The following SNTG1 variants were observed in gnomAD, a reference collection of about 807,000 sequenced individuals.
SNTG1 encodes the protein gamma-1-syntrophin.
A neutral mutation model predicts 74.7 loss-of-function variants in SNTG1; 39 were observed. That is an observed-to-expected ratio of 0.52 (90% confidence interval 0.40 to 0.68). The LOEUF is 0.68. SNTG1 is among the 30% of genes least tolerant of loss of function. The probability of loss-of-function intolerance (pLI) is 0.00; values close to 1 mark genes in which losing one functional copy is unlikely to be tolerated. For synonymous variants in SNTG1, 254 were observed against 217.1 expected, an observed-to-expected ratio of 1.17 and a Z score of -1.49; for missense variants, 685 against 609.5, an observed-to-expected ratio of 1.12 and a Z score of -1.30.
At chr8:50,002,241 T>C (rs1264065225) in intron 1 of SNTG1, among the ~76,000 whole-genome samples, 1 of 152,206 alleles carries the variant, frequency 6.6e-6, no homozygotes. Context: ...CTTCTTCAGA[T>C]ACAGGACCTC....
At chr8:50,205,255 C>A (rs2084166619) in intron 2 of SNTG1, among the ~76,000 whole-genome samples, 2 of 152,082 alleles carry the variant, frequency 1.3e-5, no homozygotes, top group Non-Finnish European at 2.9e-5. Flanking sequence ...TTTTAATGAT[C>A]ACCATTCTAA....
intron 1 of SNTG1, among the ~76,000 whole-genome samples, chr8:50,124,527 A>G (rs1175230678): frequency 7.0e-6 from 1 of 142,760 alleles, no homozygotes; most frequent in Non-Finnish European, 1.6e-5. Flanking sequence ...CAAAAGATTA[A>G]CGTTGCATAT....
intron 1 of SNTG1, among the ~76,000 whole-genome samples, chr8:50,060,739 C>T (rs573926746): frequency 5.3e-5 from 8 of 152,108 alleles, no homozygotes; most frequent in African/African-American, 1.2e-4. Context: ...CCATTATTTT[C>T]GGCTTGCCTG....
intron 1 of SNTG1, among the ~76,000 whole-genome samples, chr8:49,997,959 A>G (rs1267367343): frequency 6.6e-6 from 1 of 152,200 alleles, no homozygotes; most frequent in South Asian, 2.1e-4. Context: ...GTTGTTAGGC[A>G]ATTTTGTCAT....
At chr8:50,149,333 C>T (rs1199029682) in intron 1 of SNTG1, among the ~76,000 whole-genome samples, 1 of 152,136 alleles carries the variant, frequency 6.6e-6, no homozygotes, top group Admixed American at 6.5e-5. Flanking sequence ...TTCTCCCATT[C>T]TGTAGGTTGC....
intron 4 of SNTG1, among the ~76,000 whole-genome samples, chr8:50,419,897 T>G (rs2093060221): frequency 6.6e-6 from 1 of 151,544 alleles, no homozygotes; most frequent in African/African-American, 2.4e-5. Context: ...AACTCAATGG[T>G]TGGGCACAAC....
At chr8:50,348,059 G>GA (rs1467486044) in intron 2 of SNTG1, among the ~76,000 whole-genome samples, 1 of 152,130 alleles carries the variant, frequency 6.6e-6, no homozygotes, top group Non-Finnish European at 1.5e-5. Flanking sequence ...TGCTCTGATT[G>GA]AAAAGGATGA....
In SNTG1 at chr8:50,491,238, C is replaced by T. The variant is rs181318057; in HGVS notation, c.364-11540C>T. 4.7e-3 allele frequency: 714 copies of T among 152,334 alleles called. 9 individuals are homozygous for T. Among genetic ancestry groups the T allele is most frequent in the Admixed American group, 0.018 (276 of 15,304 alleles). 9.4% of individuals were successfully genotyped at this position (152,334 alleles called of 1,614,324 possible). On this transcript the variant is annotated intron_variant, in intron 8 of 18. Transcript: ENST00000642720. Reference sequence around the variant, plus strand: ...CAACAATTCAGTATTTTGAATCAGTCGGGACAAAACAACGTGACAGTATCA... The same window carrying T: ...CAACAATTCAGTATTTTGAATCAGTTGGGACAAAACAACGTGACAGTATCA...
chr8:50,408,875 T>C (rs2092913017), intron 4 of SNTG1, among the ~76,000 whole-genome samples: 1 of 152,110 alleles, frequency 6.6e-6, no homozygotes, highest in Admixed American at 6.6e-5. Context: ...GATATAGGAT[T>C]TGGATAGCAA....
At chr8:50,292,447 A>G (rs2130572651) in intron 2 of SNTG1, among the ~76,000 whole-genome samples, 1 of 152,196 alleles carries the variant, frequency 6.6e-6, no homozygotes, top group Non-Finnish European at 1.5e-5. Flanking sequence ...AATTACTGAC[A>G]TATTCAGTTA....
chr8:50,646,838 C>A (rs2131207246), intron 13 of SNTG1, among the ~76,000 whole-genome samples: 1 of 152,134 alleles, frequency 6.6e-6, no homozygotes, highest in South Asian at 2.1e-4. Flanking sequence ...TGACAGTAAT[C>A]AAGGTAGTGT....
chr8:50,739,455 A>G (rs2095537523), intron 17 of SNTG1, among the ~76,000 whole-genome samples: 1 of 152,116 alleles, frequency 6.6e-6, no homozygotes, highest in Non-Finnish European at 1.5e-5. Flanking sequence ...ACACTTTTAC[A>G]CTGTTGGTGG....
intron 8 of SNTG1, among the ~76,000 whole-genome samples, chr8:50,481,677 C>T (rs1416471625): frequency 6.6e-6 from 1 of 152,112 alleles, no homozygotes; most frequent in Non-Finnish European, 1.5e-5. Context: ...TGAAATAAAT[C>T]ATATTGATTT....
chr8:50,143,781 G>A (rs4873408), intron 1 of SNTG1, among the ~76,000 whole-genome samples: 66,106 of 152,034 alleles, frequency 0.43, 18,089 homozygotes, highest in African/African-American at 0.79. Flanking sequence ...AACCTCCATT[G>A]AAAATGCCTT....
intron 2 of SNTG1, among the ~76,000 whole-genome samples, chr8:50,354,298 T>C (rs1261480046): frequency 1.3e-5 from 2 of 152,342 alleles, no homozygotes; most frequent in Middle Eastern, 3.4e-3. Context: ...CTATTGACTC[T>C]GTGCAAACTA....
intron 4 of SNTG1, among the ~76,000 whole-genome samples, chr8:50,422,123 T>C (rs2093096110): frequency 6.6e-6 from 1 of 152,144 alleles, no homozygotes; most frequent in Non-Finnish European, 1.5e-5. Flanking sequence ...CAGATGCAAA[T>C]TTTCTTCACA....
chr8:50,264,994 C>T (rs2087390926), intron 2 of SNTG1, among the ~76,000 whole-genome samples: 2 of 151,984 alleles, frequency 1.3e-5, no homozygotes, highest in African/African-American at 4.8e-5. Context: ...ATTTTAAAAA[C>T]TTCTTCCAAG....
chr8:50,321,707 AG>A (rs1408667226), intron 2 of SNTG1, among the ~76,000 whole-genome samples: 3 of 147,044 alleles, frequency 2.0e-5, no homozygotes, highest in Non-Finnish European at 4.5e-5. Flanking sequence ...TGTAGATTTG[AG>A]GTTAAAATGA....
At chr8:50,768,355 AC>A (rs538495067) in intron 18 of SNTG1, among the ~76,000 whole-genome samples, 65 of 152,118 alleles carry the variant, frequency 4.3e-4, no homozygotes, top group South Asian at 1.5e-3. Context: ...TCTGATTTGA[AC>A]ATAAGGATTG....
Sources: gnomAD v4.1 joint callset for allele counts (sites outside exome capture counted in the v4.1 genomes callset) on GRCh38, gnomAD v4.1.1 for gene constraint, MANE v1.5 for transcripts, NCBI Gene and HGNC (gene_info 2026-07-23, HGNC 2026-07-21) for gene names.